ASIC5: variants seen among roughly 807,000 people sequenced by gnomAD.
ASIC5 encodes the protein bile acid-sensitive ion channel.
In ASIC5, 52 loss-of-function variants were observed where a neutral mutation model predicts 51.2. The observed-to-expected ratio is 1.02, with a 90% CI of 0.81 to 1.28. The LOEUF is 1.28. ASIC5 is among the 50% of genes most tolerant of loss of function. ASIC5 has a pLI of 0.00. For missense variants in ASIC5, 635 were observed against 595.0 expected (o/e 1.07, Z -0.70); for synonymous variants, 231 against 200.7 (o/e 1.15, Z -1.28).
chr4:155,851,845 C>T (rs1019810029), intron 4 of ASIC5, among the ~76,000 whole-genome samples: 2 of 151,836 alleles, frequency 1.3e-5, no homozygotes, highest in African/African-American at 4.8e-5. Context: ...TTTACATAAA[C>T]GTATTTCTAA....
Position 155,852,275 on chromosome 4 carries a change from A to T in ASIC5, c.627T>A (p.Thr209=). ...CTTGGAGAGTTTCACCATGATTAAA[A>T]GTAAAACAATTTCCATATTCAGTGA... ...HVFTEYGNCF[T]FNHGETLQAK... is the part of the protein sequence containing the mutation. The change falls in exon 4 of 10, where the codon ACT becomes ACA. Residue 209 remains threonine, a synonymous_variant. Transcript: ENST00000537611. 1 of 1,597,886 alleles carries T rather than the reference A, an allele frequency of 6.3e-7. No homozygotes were observed. The highest frequency in any genetic ancestry group is 8.5e-7 in the Non-Finnish European group (1 of 1,174,644).
At chr4:155,844,983 C>G (rs941007695) in intron 4 of ASIC5, among the ~76,000 whole-genome samples, 4 of 151,966 alleles carry the variant, frequency 2.6e-5, no homozygotes, top group African/African-American at 9.7e-5. Flanking sequence ...GCTAAGTCTG[C>G]TAGCAGCACA....
intron 4 of ASIC5, among the ~76,000 whole-genome samples, chr4:155,846,987 A>C (rs911969606): frequency 6.6e-6 from 1 of 152,102 alleles, no homozygotes; most frequent in African/African-American, 2.4e-5. Context: ...AGCTATAAAA[A>C]TAAGGAGGTT....
intron 4 of ASIC5, among the ~76,000 whole-genome samples, chr4:155,847,225 A>G (rs1318848273): frequency 1.3e-5 from 2 of 152,072 alleles, no homozygotes; most frequent in African/African-American, 2.4e-5. Flanking sequence ...TTAGGAAAAA[A>G]ACTGAGATAA....
intron 2 of ASIC5, among the ~76,000 whole-genome samples, chr4:155,863,063 C>G (rs1741754686): frequency 6.6e-6 from 1 of 152,090 alleles, no homozygotes; most frequent in African/African-American, 2.4e-5. Context: ...TTACATCTGG[C>G]TGGGCACAGT....
chr4:155,846,698 C>A (rs1741251252), intron 4 of ASIC5, among the ~76,000 whole-genome samples: 1 of 151,808 alleles, frequency 6.6e-6, no homozygotes, highest in Non-Finnish European at 1.5e-5. Flanking sequence ...CCTAAATAAT[C>A]TAGGTGAACA....
Position 155,846,617 on chromosome 4 carries a change from C to T in ASIC5, c.712-2787G>A, listed in dbSNP as rs180756685. ...CAAGATGGAGTCAATTAGGTCGTAT[C>T]TTTTTCACTGCCTCAGTTTTATTTT... On this transcript the variant is annotated intron_variant, in intron 4 of 9. Coordinates refer to ENST00000537611, the MANE Select transcript of ASIC5 (RefSeq NM_017419.3). Among the ~76,000 whole-genome samples the T allele has an allele frequency of 2.1e-3, 313 of 152,164 alleles. 2 individuals are homozygous for T. The highest frequency in any genetic ancestry group is 2.6e-3 in the Admixed American group (40 of 15,254).
intron 3 of ASIC5, 44 bp downstream of exon 3, chr4:155,854,033 G>T: frequency 7.0e-7 from 1 of 1,428,336 alleles, no homozygotes; most frequent in Non-Finnish European, 9.8e-7. Context: ...TGCAGTAACG[G>T]AACTTATTAC....
rs563434648 is a variant in ASIC5 at position 155,841,653 on chromosome 4, A to T, written c.1009+554T>A. On this transcript the variant is annotated intron_variant, in intron 6 of 9. Transcript: ENST00000537611. ...ATAACTTTTCAACAGTGAAATCTTC[A>T]GGCTTGGTAAGACATATCCATGATC... Among the ~76,000 whole-genome samples the T allele has an allele frequency of 2.6e-5, 4 of 152,308 alleles. No homozygotes were observed. The South Asian group carries it at 6.2e-4, about 24-fold the overall frequency.
rs753570297 is a variant in ASIC5 at position 155,838,839 on chromosome 4, T to C, written c.1040A>G (p.Tyr347Cys). Residue 347 changes from tyrosine to cysteine, a missense_variant, in exon 7 of 10, where the codon TAC (tyrosine) becomes TGC (cysteine). By Grantham distance (194) the Tyr-to-Cys change is radical. Transcript: ENST00000537611. ...AAGTACAGGAGAAACACAGCTGAAGTACTTTTGTAGGTCACATTCTATCCC... is the reference window on the plus strand; with the variant it reads ...AAGTACAGGAGAAACACAGCTGAAGCACTTTTGTAGGTCACATTCTATCCC... ...GYGIECDLQK[Y>C]FSCVSPVLDH... 3.8e-6 allele frequency: 6 copies of C among 1,586,984 alleles called. No homozygotes were observed. In the Admixed American group the frequency reaches 8.4e-5, roughly 22 times the overall value.
At chr4:155,838,999 T>C in intron 6 of ASIC5, 130 bp from the exon 7 acceptor site, 4 of 581,060 alleles carry the variant, frequency 6.9e-6, no homozygotes, top group Non-Finnish European at 6.2e-6. Context: ...TATATGAACA[T>C]CTATTCTTTC....
At chr4:155,831,396 A>T (rs1027091612) in intron 9 of ASIC5, among the ~76,000 whole-genome samples, 1 of 152,230 alleles carries the variant, frequency 6.6e-6, no homozygotes, top group African/African-American at 2.4e-5. Context: ...GCTGAATGAC[A>T]AGTTCAATTG....
chr4:155,834,803 G>C (rs186903758), intron 8 of ASIC5, among the ~76,000 whole-genome samples: 1 of 152,040 alleles, frequency 6.6e-6, no homozygotes, highest in Non-Finnish European at 1.5e-5. Flanking sequence ...AGCTCCAGAA[G>C]AGACGAGAAG....
chr4:155,847,205 G>T (rs1220256026), intron 4 of ASIC5, among the ~76,000 whole-genome samples: 2 of 152,010 alleles, frequency 1.3e-5, no homozygotes, highest in African/African-American at 4.8e-5. Flanking sequence ...ATTATTAAGT[G>T]TTGGTTTGCT....
At chr4:155,865,551 A>T (rs1514006) in intron 1 of ASIC5, among the ~76,000 whole-genome samples, 5,228 of 152,216 alleles carry the variant, frequency 0.034, 200 homozygotes, top group South Asian at 0.1. Flanking sequence ...GCTAGTTGCA[A>T]GCATTACCCC....
chr4:155,861,198 T>C (rs1269262756), intron 2 of ASIC5, among the ~76,000 whole-genome samples: 2 of 151,964 alleles, frequency 1.3e-5, no homozygotes, highest in African/African-American at 2.4e-5. Context: ...GAATGTGCCA[T>C]GTGCACATGA....
At chr4:155,833,858 A>G (rs1427357835) in intron 8 of ASIC5, among the ~76,000 whole-genome samples, 1 of 152,220 alleles carries the variant, frequency 6.6e-6, no homozygotes, top group East Asian at 1.9e-4. Context: ...GGCAATAGTG[A>G]AATTGTCCAG....
intron 5 of ASIC5, 37 bp from the exon 6 acceptor site, chr4:155,842,391 T>C: frequency 6.7e-7 from 1 of 1,503,110 alleles, no homozygotes; most frequent in Non-Finnish European, 9.1e-7. Flanking sequence ...AGGAGATGTG[T>C]TTACATCAAT....
chr4:155,855,888 C>T (rs943530611), intron 2 of ASIC5, among the ~76,000 whole-genome samples: 8 of 151,938 alleles, frequency 5.3e-5, no homozygotes, highest in Non-Finnish European at 1.2e-4. Flanking sequence ...AGAAAACGTC[C>T]ATTAATGCAG....
Sources: allele counts gnomAD v4.1 joint callset (sites outside exome capture counted in the v4.1 genomes callset), GRCh38; gene constraint gnomAD v4.1.1; transcripts MANE v1.5; gene names NCBI Gene and HGNC (gene_info 2026-07-23, HGNC 2026-07-21).